Variants in DCC observed in about 807,000 individuals in gnomAD.
DCC encodes the protein netrin receptor DCC.
A neutral mutation model predicts 172.5 loss-of-function variants in DCC; 58 were observed. That is an observed-to-expected ratio of 0.34 (90% CI 0.27 to 0.42). DCC has a LOEUF of 0.42. Ranked by LOEUF, DCC falls within the 10% of genes least tolerant of loss-of-function variation. The pLI, the probability that DCC is intolerant of heterozygous loss-of-function variation, is 1.00. For synonymous variants in DCC, 709 were observed against 644.5 expected (o/e 1.10, Z -1.52); for missense variants, 1,740 against 1,791.0 (o/e 0.97, Z 0.51).
intron 2 of DCC, among the ~76,000 whole-genome samples, chr18:52,780,149 T>C (rs16960547): frequency 0.011 from 1,746 of 152,260 alleles, 47 homozygotes; most frequent in African/African-American, 0.04. Context: ...TCATATTTAT[T>C]TTTGCCTGAC....
chr18:53,310,873 A>G (rs1285630505), intron 13 of DCC, among the ~76,000 whole-genome samples: 8 of 152,152 alleles, frequency 5.3e-5, no homozygotes, highest in Admixed American at 5.2e-4. Context: ...CTTAGCATTC[A>G]GGATAGAAAC....
chr18:52,660,765 G>A (rs1372946102), intron 1 of DCC, among the ~76,000 whole-genome samples: 1 of 152,170 alleles, frequency 6.6e-6, no homozygotes, highest in Admixed American at 6.5e-5. Context: ...GCATATGTAA[G>A]AATCAAATTG....
chr18:53,181,088 AAAAACT>A (rs2055189630), intron 9 of DCC, among the ~76,000 whole-genome samples: 3 of 152,216 alleles, frequency 2.0e-5, no homozygotes, highest in Non-Finnish European at 4.4e-5. Context: ...TCAACAATTT[AAAAACT>A]CTTGAAAAAT....
intron 7 of DCC, among the ~76,000 whole-genome samples, chr18:53,147,248 C>A (rs2043929454): frequency 6.6e-6 from 1 of 152,124 alleles, no homozygotes; most frequent in Non-Finnish European, 1.5e-5. Flanking sequence ...GCTGTGGTTG[C>A]AAGTACATGC....
chr18:53,090,464 C>T (rs1320426800), intron 7 of DCC, among the ~76,000 whole-genome samples: 4 of 151,586 alleles, frequency 2.6e-5, no homozygotes, highest in Admixed American at 6.6e-5. Flanking sequence ...GAGGCCGAGG[C>T]GGGCGGATCA....
rs2144550041 is a variant in DCC, at chr18:53,205,378, T to C, written c.1722+14T>C. On this transcript the variant is annotated intron_variant, in intron 10 of 28. Transcript: ENST00000442544. ...GGAAAAGAACAGGTAGGTGAAGGAA[T>C]GGACCACACTGCTTCCATCTGTTGG... 1.2e-6 allele frequency: 2 copies of C among 1,612,818 alleles called. No homozygotes were observed. The highest frequency in any genetic ancestry group is 1.3e-5 in the African/African-American group (1 of 74,982).
chr18:52,795,339 TA>T (rs575116183), intron 2 of DCC, among the ~76,000 whole-genome samples: 193 of 152,114 alleles, frequency 1.3e-3, no homozygotes, highest in African/African-American at 4.3e-3. Context: ...TATTTCTGTC[TA>T]GATCAGTCTT....
intron 1 of DCC, among the ~76,000 whole-genome samples, chr18:52,401,403 A>G (rs1221964730): frequency 2.0e-5 from 3 of 152,074 alleles, no homozygotes; most frequent in Non-Finnish European, 2.9e-5. Flanking sequence ...AAACCCCAGG[A>G]TAAGGACAGA....
intron 2 of DCC, among the ~76,000 whole-genome samples, chr18:52,757,992 C>T (rs962956258): frequency 8.1e-4 from 123 of 151,984 alleles, no homozygotes; most frequent in Admixed American, 8.1e-3. Flanking sequence ...TATTTTTAAT[C>T]AATGAAACTC....
chr18:53,122,773 A>G (rs572988349), intron 7 of DCC, among the ~76,000 whole-genome samples: 75 of 152,164 alleles, frequency 4.9e-4, no homozygotes, highest in African/African-American at 1.6e-3. Flanking sequence ...AAGGAATGGA[A>G]AATCACTTAA....
At chr18:53,230,680 C>T (rs576860358) in intron 12 of DCC, among the ~76,000 whole-genome samples, 6 of 151,954 alleles carry the variant, frequency 3.9e-5, no homozygotes. Context: ...GTAATTTTTT[C>T]CCTTACTTTG....
intron 25 of DCC, among the ~76,000 whole-genome samples, chr18:53,486,469 AG>A (rs1424428211): frequency 1.3e-5 from 2 of 151,988 alleles, no homozygotes; most frequent in Admixed American, 6.5e-5. Flanking sequence ...CATCCTTAAA[AG>A]AAAGACTAAG....
intron 12 of DCC, among the ~76,000 whole-genome samples, chr18:53,228,245 G>A (rs1238218271): frequency 3.3e-5 from 5 of 151,778 alleles, no homozygotes; most frequent in East Asian, 1.9e-4. Context: ...TAAAGAAAAC[G>A]TTGTTAGTAA....
chr18:53,100,496 A>G (rs2043155894), intron 7 of DCC, among the ~76,000 whole-genome samples: 1 of 152,086 alleles, frequency 6.6e-6, no homozygotes. Flanking sequence ...AAAGAGAGAG[A>G]CAGAAAAAGG....
intron 7 of DCC, among the ~76,000 whole-genome samples, chr18:53,105,589 CA>C (rs2043233073): frequency 6.6e-6 from 1 of 151,882 alleles, no homozygotes; most frequent in Non-Finnish European, 1.5e-5. Flanking sequence ...TTGCAGAACA[CA>C]AATTGTTTTT....
chr18:53,527,407 A>AAAAAT (rs1472825098), intron 28 of DCC, among the ~76,000 whole-genome samples: 1 of 151,972 alleles, frequency 6.6e-6, no homozygotes, highest in East Asian at 1.9e-4. Context: ...CTAAAATTAA[A>AAAAAT]AAAATATAGT....
At chr18:52,464,502 T>C (rs1988725996) in intron 1 of DCC, among the ~76,000 whole-genome samples, 2 of 152,186 alleles carry the variant, frequency 1.3e-5, no homozygotes, top group Admixed American at 1.3e-4. Context: ...GATTGGTGAC[T>C]TTCCCATCAG....
At chr18:52,741,012 C>G (rs969427153) in intron 1 of DCC, among the ~76,000 whole-genome samples, 7 of 152,194 alleles carry the variant, frequency 4.6e-5, no homozygotes, top group Non-Finnish European at 1.0e-4. Flanking sequence ...GTAGCCCACA[C>G]TTAGAAGGCT....
intron 1 of DCC, among the ~76,000 whole-genome samples, chr18:52,499,145 C>T (rs1373326014): frequency 2.6e-5 from 4 of 152,180 alleles, no homozygotes; most frequent in African/African-American, 2.4e-5. Context: ...AAAGAAACTG[C>T]AAGCTCCCTG....
Sources: allele counts gnomAD v4.1 joint callset (sites outside exome capture counted in the v4.1 genomes callset), GRCh38; gene constraint gnomAD v4.1.1; transcripts MANE v1.5; gene names NCBI Gene and HGNC (gene_info 2026-07-23, HGNC 2026-07-21).